Variants in TAFA4 observed in about 807,000 individuals in gnomAD.
TAFA4 encodes chemokine-like protein TAFA-4.
In TAFA4, 20 loss-of-function variants were observed where a neutral mutation model predicts 21.1. That is an observed-to-expected ratio of 0.95 (90% CI 0.67 to 1.38). The LOEUF is 1.38. Ranked by LOEUF, TAFA4 falls within the 40% of genes most tolerant of loss-of-function variation. The pLI is 0.00. For synonymous variants in TAFA4, 71 were observed against 67.4 expected (o/e 1.05, Z -0.26); for missense variants, 211 against 180.9 (o/e 1.17, Z -0.95).
chr3:68,773,618 T>C (rs1051870582), intron 3 of TAFA4, among the ~76,000 whole-genome samples: 2 of 152,144 alleles, frequency 1.3e-5, no homozygotes, highest in African/African-American at 4.8e-5. Context: ...AGGATATGAC[T>C]CACTGAGTCA....
At chr3:68,813,151 G>A (rs1193815922) in intron 3 of TAFA4, among the ~76,000 whole-genome samples, 1 of 151,930 alleles carries the variant, frequency 6.6e-6, no homozygotes, top group Non-Finnish European at 1.5e-5. Flanking sequence ...CAACATACCA[G>A]AATCTCTGGG....
chr3:68,734,419 C>T (rs956568178), intron 5 of TAFA4, among the ~76,000 whole-genome samples: 1 of 151,940 alleles, frequency 6.6e-6, no homozygotes, highest in Admixed American at 6.6e-5. Context: ...AAGGCTGAGG[C>T]AGGGAGGGTA....
chr3:68,900,177 G>A (rs1312595043), intron 1 of TAFA4, among the ~76,000 whole-genome samples: 3 of 150,026 alleles, frequency 2.0e-5, no homozygotes, highest in Non-Finnish European at 3.0e-5. Flanking sequence ...GGGAAGCACA[G>A]GTTGCAGTAA....
intron 1 of TAFA4, among the ~76,000 whole-genome samples, chr3:68,910,310 A>G (rs1410076951): frequency 6.6e-6 from 1 of 152,224 alleles, no homozygotes; most frequent in African/African-American, 2.4e-5. Context: ...TGTCTGTGAC[A>G]GTGACCTTAG....
chr3:68,812,829 T>A (rs1311925880), intron 3 of TAFA4, among the ~76,000 whole-genome samples: 1 of 152,172 alleles, frequency 6.6e-6, no homozygotes, highest in Non-Finnish European at 1.5e-5. Context: ...GCAGACCTAA[T>A]AGACGTCTAC....
chr3:68,925,493 A>G (rs1229578526), intron 1 of TAFA4, among the ~76,000 whole-genome samples: 1 of 152,200 alleles, frequency 6.6e-6, no homozygotes, highest in Non-Finnish European at 1.5e-5. Context: ...ATCACACTGT[A>G]CAAAATATTT....
intron 3 of TAFA4, among the ~76,000 whole-genome samples, chr3:68,769,601 A>G (rs932554835): frequency 3.9e-5 from 6 of 152,236 alleles, no homozygotes; most frequent in African/African-American, 1.4e-4. Flanking sequence ...TAATAAATGC[A>G]TGAGGTGGTG....
chr3:68,859,038 C>A (rs1316035755), intron 3 of TAFA4, among the ~76,000 whole-genome samples: 1 of 150,302 alleles, frequency 6.7e-6, no homozygotes, highest in Non-Finnish European at 1.5e-5. Context: ...CAGAGGACTG[C>A]TACAAAAAAA....
intron 1 of TAFA4, among the ~76,000 whole-genome samples, chr3:68,900,831 C>T (rs963221154): frequency 2.0e-5 from 3 of 152,140 alleles, no homozygotes; most frequent in Non-Finnish European, 4.4e-5. Context: ...CAGTTTCCAC[C>T]TTGCAGTGAA....
At chr3:68,898,440 G>A (rs1302331750) in intron 1 of TAFA4, among the ~76,000 whole-genome samples, 2 of 152,260 alleles carry the variant, frequency 1.3e-5, no homozygotes, top group East Asian at 3.9e-4. Context: ...ATCACCTGAG[G>A]TCAGGAGACC....
intron 1 of TAFA4, among the ~76,000 whole-genome samples, chr3:68,925,973 T>C (rs1341530131): frequency 1.3e-5 from 2 of 152,238 alleles, no homozygotes; most frequent in Non-Finnish European, 2.9e-5. Context: ...GGCTCATGCC[T>C]GTAATCCCAG....
intron 1 of TAFA4, among the ~76,000 whole-genome samples, chr3:68,904,188 A>G (rs555887178): frequency 4.6e-5 from 7 of 152,354 alleles, no homozygotes; most frequent in Middle Eastern, 3.4e-3. Context: ...TTATCCCCAC[A>G]GAGGTCCTTC....
chr3:68,850,373 T>G (rs1704914434), intron 3 of TAFA4, among the ~76,000 whole-genome samples: 1 of 152,194 alleles, frequency 6.6e-6, no homozygotes, highest in Non-Finnish European at 1.5e-5. Context: ...ATGGAGTATA[T>G]GTCTTAGTGA....
At chr3:68,863,787 G>C (rs1006173832) in intron 3 of TAFA4, among the ~76,000 whole-genome samples, 4 of 152,026 alleles carry the variant, frequency 2.6e-5, no homozygotes, top group Non-Finnish European at 5.9e-5. Flanking sequence ...AAACTAATTA[G>C]TCTGGGAATA....
At chr3:68,790,980 T>G (rs2106812776) in intron 3 of TAFA4, among the ~76,000 whole-genome samples, 1 of 152,278 alleles carries the variant, frequency 6.6e-6, no homozygotes, top group African/African-American at 2.4e-5. Flanking sequence ...TATAAGCACA[T>G]GTGACCAAAA....
At chr3:68,918,154 C>CAA (rs777257679) in intron 1 of TAFA4, among the ~76,000 whole-genome samples, 1 of 151,536 alleles carries the variant, frequency 6.6e-6, no homozygotes, top group African/African-American at 2.4e-5. Flanking sequence ...CACACACACA[C>CAA]AAACACATTT....
intron 3 of TAFA4, among the ~76,000 whole-genome samples, chr3:68,776,956 T>G (rs1030274848): frequency 1.3e-5 from 2 of 152,054 alleles, no homozygotes; most frequent in Admixed American, 6.6e-5. Context: ...TATGATAATT[T>G]TTTAAAAGAC....
intron 3 of TAFA4, among the ~76,000 whole-genome samples, chr3:68,788,900 A>G (rs961182333): frequency 2.6e-5 from 4 of 152,114 alleles, no homozygotes; most frequent in Non-Finnish European, 5.9e-5. Context: ...CTGGGATTAT[A>G]TATAGGTGGG....
chr3:68,892,582 G>C (rs1335070974), intron 1 of TAFA4, among the ~76,000 whole-genome samples: 1 of 152,084 alleles, frequency 6.6e-6, no homozygotes, highest in Non-Finnish European at 1.5e-5. Flanking sequence ...TATGTACAAA[G>C]AAAGAAATAA....
Sources: gnomAD v4.1 joint callset for allele counts (sites outside exome capture counted in the v4.1 genomes callset) on GRCh38, gnomAD v4.1.1 for gene constraint, MANE v1.5 for transcripts, NCBI Gene and HGNC (gene_info 2026-07-23, HGNC 2026-07-21) for gene names.